NOS2: variants seen among roughly 807,000 people sequenced by gnomAD.
The protein encoded by NOS2 is nitric oxide synthase, inducible.
In NOS2, 96 loss-of-function variants were observed where a neutral mutation model predicts 136.0. The ratio of observed to expected loss-of-function variants is 0.71; its 90% confidence interval spans 0.60 to 0.84. The LOEUF (loss-of-function observed/expected upper bound fraction) is 0.84. NOS2 is among the 40% of genes least tolerant of loss of function. NOS2 has a pLI of 0.00. For synonymous variants in NOS2, 539 were observed against 587.5 expected, an observed-to-expected ratio of 0.92 and a Z score of 1.20; for missense variants, 1,237 against 1,496.9, an observed-to-expected ratio of 0.83 and a Z score of 2.87.
chr17:27,765,294 A>G (rs942491089), intron 20 of NOS2, among the ~76,000 whole-genome samples: 28 of 152,268 alleles, frequency 1.8e-4, no homozygotes, highest in African/African-American at 6.3e-4. Context: ...AGCTCATCCC[A>G]CTTTCTGACT....
chr17:27,784,133 A>AACACACACACACACACACAC lies in NOS2; in HGVS notation c.468-1047_468-1028dup, dbSNP rs3838880. 1.5e-3 allele frequency among the ~76,000 whole-genome samples: 218 copies of AACACACACACACACACACAC among 147,112 alleles called. 3 individuals carry two copies. The highest frequency in any genetic ancestry group is 3.4e-3 in the Middle Eastern group (1 of 290). On this transcript the variant is annotated intron_variant, in intron 5 of 26. Coordinates refer to ENST00000313735, the MANE Select transcript of NOS2 (RefSeq NM_000625.4). ...AGGGACTCAGTCAGAAAGGCTTTGAAACACACACACACACACACACACACA... is the reference window on the plus strand; with the variant it reads ...AGGGACTCAGTCAGAAAGGCTTTGAAACACACACACACACACACACACACACACACACACACACACACACA...
At chr17:27,778,559 G>T (rs774072308) in intron 11 of NOS2, 131 bp downstream of exon 11, 1 of 712,118 alleles carries the variant, frequency 1.4e-6, no homozygotes, top group South Asian at 1.6e-5. Context: ...CTTGGGAGGT[G>T]AGGAGCTGCC....
chr17:27,785,244 C>G (rs1908985347), intron 5 of NOS2, among the ~76,000 whole-genome samples: 1 of 152,166 alleles, frequency 6.6e-6, no homozygotes, highest in Non-Finnish European at 1.5e-5. Context: ...CTCATAGTGT[C>G]ATGGTGCACA....
intron 12 of NOS2, among the ~76,000 whole-genome samples, 196 bp from the exon 13 acceptor site, chr17:27,773,439 C>G (rs930261424): frequency 3.9e-5 from 6 of 152,230 alleles, no homozygotes; most frequent in Non-Finnish European, 7.3e-5. Context: ...CTCTCCACTG[C>G]CCGGCATGGA....
In NOS2 at chr17:27,771,023, T is replaced by C; in HGVS notation, c.1705-6A>G. On this transcript the variant is annotated splice_polypyrimidine_tract_variant and splice_region_variant and intron_variant, in intron 14 of 26. Coordinates refer to ENST00000313735, the MANE Select transcript of NOS2 (RefSeq NM_000625.4). ...TACTTATCCATGCAGACAACCTGGA[T>C]GGCACCCAAGTGGACATCAGCCCTC... The C allele has an allele frequency of 1.2e-6, 2 of 1,611,784 alleles. No individual in the cohort carries two copies. Among genetic ancestry groups the C allele is most frequent in the Admixed American group, 1.7e-5 (1 of 59,976 alleles).
At chr17:27,765,886 T>C (rs1230837338) in intron 19 of NOS2, among the ~76,000 whole-genome samples, 170 bp from the exon 20 acceptor site, 1 of 151,954 alleles carries the variant, frequency 6.6e-6, no homozygotes, top group Non-Finnish European at 1.5e-5. Context: ...CAGGCAGGGG[T>C]GCTTAAGAGG....
chr17:27,798,903 T>A, intron 1 of NOS2, 21 bp from the exon 2 acceptor site: 1 of 816,022 alleles, frequency 1.2e-6, no homozygotes, highest in African/African-American at 1.7e-5. Flanking sequence ...GAAGCAGAGG[T>A]GAGGGAAGGT....
intron 14 of NOS2, 120 bp downstream of exon 14, chr17:27,772,188 G>T: frequency 9.2e-7 from 1 of 1,087,630 alleles, no homozygotes; most frequent in Non-Finnish European, 1.3e-6. Flanking sequence ...CCAGATTAAT[G>T]ATGCACATTA....
chr17:27,760,525 C>T (rs1908084583), intron 24 of NOS2, 98 bp downstream of exon 24: 5 of 1,504,638 alleles, frequency 3.3e-6, no homozygotes, highest in Non-Finnish European at 3.6e-6. Context: ...GGCCTTCCCT[C>T]GAGAGAGGTC....
At chr17:27,792,815 CAAAAAAAAAA>C (rs34992777) in intron 2 of NOS2, among the ~76,000 whole-genome samples, 1 of 52,512 alleles carries the variant, frequency 1.9e-5, no homozygotes, top group African/African-American at 8.3e-5. Context: ...CCTATCTCTA[CAAAAAAAAAA>C]AAAAAAAAAA....
chr17:27,779,151 A>C (rs1373830866), intron 9 of NOS2, 95 bp from the exon 10 acceptor site: 2 of 972,770 alleles, frequency 2.1e-6, no homozygotes, highest in Non-Finnish European at 1.4e-6. Context: ...TCTGTTGCTC[A>C]TGCTGGAGTG....
chr17:27,796,470 A>T (rs977895151), intron 2 of NOS2, among the ~76,000 whole-genome samples: 1 of 152,078 alleles, frequency 6.6e-6, no homozygotes, highest in African/African-American at 2.4e-5. Flanking sequence ...AATAATAATA[A>T]AAAATAAAAA....
chr17:27,766,187 C>T (rs1035528820), intron 19 of NOS2, among the ~76,000 whole-genome samples: 7 of 152,206 alleles, frequency 4.6e-5, no homozygotes, highest in African/African-American at 1.7e-4. Flanking sequence ...CAACACTTTT[C>T]CTGAAAGTTC....
At chr17:27,772,515 G>A (rs1908529631) in intron 13 of NOS2, 63 bp from the exon 14 acceptor site, 3 of 1,590,636 alleles carry the variant, frequency 1.9e-6, no homozygotes, top group East Asian at 2.2e-5. Flanking sequence ...AGAAAATGGG[G>A]GACCAGGGGA....
chr17:27,773,026 C>A (rs1019801850), intron 13 of NOS2, 135 bp downstream of exon 13: 12 of 779,374 alleles, frequency 1.5e-5, no homozygotes, highest in African/African-American at 5.2e-5. Flanking sequence ...CAGAGTAAGA[C>A]CCTGTCTCAA....
At position 27,761,052 on chromosome 17, in the gene NOS2, G is replaced by A. The variant is rs372004895; in HGVS notation, c.2888+92C>T. 9.9e-6 allele frequency: 12 copies of A among 1,216,728 alleles called. No homozygotes were observed. The African/African-American group carries it at 1.4e-4, about 14-fold the overall frequency. 75.4% of individuals were successfully genotyped at this position (1,216,728 alleles called of 1,614,324 possible). On this transcript the variant is annotated intron_variant, in intron 23 of 26. Transcript: ENST00000313735. ...CCTTCTTTATGGGCCAAGGGGCTCC[G>A]AGCGTCTCCTAAACCCCAGATCCCT...
chr17:27,789,618 C>T lies in NOS2; in HGVS notation c.181G>A (p.Val61Met), dbSNP rs201165915. 49 of 1,613,778 alleles carry T rather than the reference C, an allele frequency of 3.0e-5. 1 individual carries two copies. The highest frequency in any genetic ancestry group is 2.8e-4 in the African/African-American group (21 of 75,036). The change falls in exon 3 of 27, where the codon GTG becomes ATG. Residue 61 changes from valine to methionine, a missense_variant. Physicochemically the swap from Val to Met is conservative, Grantham distance 21. This residue lies in a region of NOS2 where 440 missense variants were observed against 545.4 expected (regional missense o/e 0.81). Transcript: ENST00000313735. ...KQQNESPQPLVETGKKSPESL... is the reference protein window; with the variant it reads ...KQQNESPQPLMETGKKSPESL... ...GACTCACTGACCTTTCCCGTCTCCA[C>T]GAGGGGCTGCGGGGACTCATTCTGC...
chr17:27,798,573 G>A lies in NOS2; in HGVS notation c.110+127C>T, dbSNP rs1597563125. The stretch of plus-strand genomic sequence containing the variant: ...ATTGAATTCCAACAGGGACTTTCAA[G>A]AAGCAATGAGGAGATCAGACCTCAG... On this transcript the variant is annotated intron_variant, in intron 2 of 26. Transcript: ENST00000313735. 1.4e-5 allele frequency: 9 copies of A among 660,968 alleles called. No homozygotes were observed. In the East Asian group the frequency reaches 2.4e-4, roughly 18 times the overall value. 40.9% of individuals were successfully genotyped at this position (660,968 alleles called of 1,614,324 possible).
intron 23 of NOS2, among the ~76,000 whole-genome samples, 173 bp from the exon 24 acceptor site, chr17:27,760,917 C>T (rs963235883): frequency 2.3e-4 from 35 of 152,288 alleles, no homozygotes; most frequent in African/African-American, 8.2e-4. Context: ...GTCCAGGCAC[C>T]AGCACCTCCC....
Sources: allele counts gnomAD v4.1 joint callset (sites outside exome capture counted in the v4.1 genomes callset), GRCh38; gene constraint gnomAD v4.1.1; regional missense constraint gnomAD v4.1.1; transcripts MANE v1.5; gene names NCBI Gene and HGNC (gene_info 2026-07-23, HGNC 2026-07-21).